The following RIC8B variants were observed in gnomAD, a reference collection of about 807,000 sequenced individuals.
RIC8B encodes the protein chaperone Ric-8B.
RIC8B carries 16 observed loss-of-function variants against 57.5 expected under a neutral mutation model. That is an observed-to-expected ratio of 0.28 (90% CI 0.19 to 0.42). RIC8B has a LOEUF of 0.42. Ranked by LOEUF, RIC8B falls within the 10% of genes least tolerant of loss-of-function variation. The pLI, the probability that RIC8B is intolerant of heterozygous loss-of-function variation, is 1.00. For synonymous variants in RIC8B, 216 were observed against 250.8 expected (o/e 0.86, Z 1.31); for missense variants, 481 against 677.0 (o/e 0.71, Z 3.21).
At chr12:106,875,934 AACAAAT>A (rs1950642396) in intron 9 of RIC8B, among the ~76,000 whole-genome samples, 1 of 152,174 alleles carries the variant, frequency 6.6e-6, no homozygotes, top group South Asian at 2.1e-4. Context: ...ACTGAAAAAT[AACAAAT>A]ACATAGTTTT....
chr12:106,793,751 A>G (rs1008627592), intron 2 of RIC8B, among the ~76,000 whole-genome samples: 3 of 152,346 alleles, frequency 2.0e-5, no homozygotes, highest in East Asian at 3.9e-4. Flanking sequence ...GGTGTGCCCT[A>G]TAAGGTGCAA....
chr12:106,837,417 C>G (rs1320913406), intron 4 of RIC8B, among the ~76,000 whole-genome samples: 3 of 151,870 alleles, frequency 2.0e-5, no homozygotes, highest in African/African-American at 7.3e-5. Context: ...GTTATTCCCC[C>G]AGAGCACTTA....
chr12:106,846,939 A>C (rs1949218669), intron 6 of RIC8B, among the ~76,000 whole-genome samples: 1 of 152,190 alleles, frequency 6.6e-6, no homozygotes, highest in Non-Finnish European at 1.5e-5. Context: ...TGCACTGTAG[A>C]CTGTTATGAT....
chr12:106,870,883 A>C lies in RIC8B; in HGVS notation c.1512A>C (p.Thr504=). ...TGCCAAACCCCATAGATGAAATGAC[A>C]GAAGAACAAAAAGAATATGAAGCCA... The part of the protein sequence containing the change: ...EPMPNPIDEM[T]EEQKEYEAMK... Residue 504 remains threonine (T), a synonymous_variant, in exon 9 of 10, where the codon ACA becomes ACC. Coordinates refer to ENST00000392837, the MANE Select transcript of RIC8B (RefSeq NM_001330145.2). The C allele has an allele frequency of 1.3e-6, 2 of 1,548,970 alleles. No individual in the cohort carries two copies. The highest frequency in any genetic ancestry group is 1.7e-6 in the Non-Finnish European group (2 of 1,145,060).
At chr12:106,826,036 A>G in intron 4 of RIC8B, among the ~76,000 whole-genome samples, 1 of 152,202 alleles carries the variant, frequency 6.6e-6, no homozygotes, top group East Asian at 1.9e-4. Flanking sequence ...TTGAGGCTCA[A>G]CAGGAGAAGA....
chr12:106,867,557 A>G lies in RIC8B; in HGVS notation c.1452-3266A>G, dbSNP rs1199609652. ...GGACTGTGGCGTCTCAGACTGTACT[A>G]TTTGAGGTTGAAAGGTGTCAGGTAT... On this transcript the variant is annotated intron_variant, in intron 8 of 9. Transcript: ENST00000392837. This position sits in a 1 kb window ranked among gnomAD's most constrained non-coding sequence, Gnocchi z 4.3. Among the ~76,000 whole-genome samples, 1 of 152,166 alleles carries G rather than the reference A, an allele frequency of 6.6e-6. No homozygotes were observed. The highest frequency in any genetic ancestry group is 1.5e-5 in the Non-Finnish European group (1 of 68,024).
rs562051674 is a variant in RIC8B at position 106,877,180 on chromosome 12, C to T, written c.1571+6238C>T. ...ATAGTGCTTTAAGGTATAAAAAATG[C>T]TTCCATATACGTTATCTCCATTGAT... On this transcript the variant is annotated intron_variant, in intron 9 of 9. Coordinates refer to ENST00000392837, the MANE Select transcript of RIC8B (RefSeq NM_001330145.2). Among the ~76,000 whole-genome samples, 6 of 152,078 alleles carry T rather than the reference C, an allele frequency of 3.9e-5. No individual in the cohort carries two copies. In the South Asian group the frequency reaches 1.0e-3, roughly 26 times the overall value.
chr12:106,888,156 T>G lies in RIC8B; in HGVS notation c.*2141T>G, dbSNP rs1951256446. On this transcript the variant is annotated 3_prime_UTR_variant, in exon 10 of 10. Transcript: ENST00000392837. Reference sequence around the variant, plus strand: ...AGATGTGTTTAATGAAATGCCATCTTACCAGCTTTCTTTATGCAGAGTAAG... The same window carrying G: ...AGATGTGTTTAATGAAATGCCATCTGACCAGCTTTCTTTATGCAGAGTAAG... 6.6e-6 allele frequency: 1 copy of G among 152,460 alleles called. No homozygotes were observed. Among genetic ancestry groups the G allele is most frequent in the Non-Finnish European group, 1.5e-5 (1 of 68,042 alleles). The allele number at this position is 152,460 out of a possible 1,614,324, so 9.4% of individuals were successfully genotyped here.
rs189026409 is a variant in RIC8B, at chr12:106,783,239, T to C, written c.85-758T>C. Among the ~76,000 whole-genome samples, 673 of 152,322 alleles carry C rather than the reference T, an allele frequency of 4.4e-3. 17 individuals carry two copies. Among genetic ancestry groups the C allele is most frequent in the Admixed American group, 0.041 (631 of 15,298 alleles). ...GTATTGCTACTTGCCAGCACTGAGA[T>C]TGTGCTTTATATACATGCCTTAGCT... On this transcript the variant is annotated intron_variant, in intron 1 of 9. Coordinates refer to ENST00000392837, the MANE Select transcript of RIC8B (RefSeq NM_001330145.2).
intron 2 of RIC8B, among the ~76,000 whole-genome samples, chr12:106,787,633 T>A (rs1024683302): frequency 3.3e-5 from 5 of 151,996 alleles, no homozygotes; most frequent in African/African-American, 1.2e-4. Flanking sequence ...CCTGCTTGCA[T>A]GGTGGTGGCA....
At chr12:106,816,284 A>T (rs143739120) in intron 3 of RIC8B, among the ~76,000 whole-genome samples, 1 of 152,200 alleles carries the variant, frequency 6.6e-6, no homozygotes, top group South Asian at 2.1e-4. Flanking sequence ...TTTTGCCAGC[A>T]GCCTACTTTA....
At position 106,866,468 on chromosome 12, in the gene RIC8B, T is replaced by C. The variant is rs142977185; in HGVS notation, c.1452-4355T>C. Among the ~76,000 whole-genome samples the C allele has an allele frequency of 3.2e-3, 483 of 152,170 alleles. 1 individual carries two copies. The highest frequency in any genetic ancestry group is 5.5e-3 in the Non-Finnish European group (377 of 68,012). On this transcript the variant is annotated intron_variant, in intron 8 of 9. Transcript: ENST00000392837. ...GCAGTGTATTCTGGGTTTTTCCCCC[T>C]GGAAAGTTGTTTTAGTTTCATTCAC...
chr12:106,830,909 A>G (rs1268568585), intron 4 of RIC8B, among the ~76,000 whole-genome samples: 4 of 152,176 alleles, frequency 2.6e-5, no homozygotes, highest in Admixed American at 2.6e-4. Context: ...CAGTAAATTA[A>G]TTATTCAAAT....
chr12:106,822,329 A>G (rs1422369478), intron 3 of RIC8B: 3 of 152,218 alleles, frequency 2.0e-5, no homozygotes, highest in Non-Finnish European at 4.4e-5. Flanking sequence ...AAATTGGTAT[A>G]AGTACTTTGA....
At position 106,809,316 on chromosome 12, in the gene RIC8B, G is replaced by C. The variant is rs927796792; in HGVS notation, c.133-5380G>C. 2.0e-5 allele frequency among the ~76,000 whole-genome samples: 3 copies of C among 152,134 alleles called. No homozygotes were observed. The South Asian group carries it at 6.2e-4, about 32-fold the overall frequency. On this transcript the variant is annotated intron_variant, in intron 2 of 9. Coordinates refer to ENST00000392837, the MANE Select transcript of RIC8B (RefSeq NM_001330145.2). ...AGGTGGGAGGATCACCTGAGGTCAG[G>C]AGTTTGAGACCAGCCTGGCCAACAT...
At chr12:106,864,200 C>T (rs1432174568) in intron 8 of RIC8B, among the ~76,000 whole-genome samples, 1 of 152,084 alleles carries the variant, frequency 6.6e-6, no homozygotes, top group Non-Finnish European at 1.5e-5. Flanking sequence ...ACTGGTATCT[C>T]TTCAAAATAT....
chr12:106,844,874 A>G (rs1395763429), intron 6 of RIC8B, among the ~76,000 whole-genome samples: 1 of 152,226 alleles, frequency 6.6e-6, no homozygotes, highest in Non-Finnish European at 1.5e-5. Flanking sequence ...CTTTCAGATT[A>G]TATCTTAGAC....
chr12:106,848,260 G>A (rs1010680467), intron 6 of RIC8B, among the ~76,000 whole-genome samples: 2 of 152,190 alleles, frequency 1.3e-5, no homozygotes, highest in Non-Finnish European at 2.9e-5. Context: ...AAGGTCCATG[G>A]AGGTCTGTGT....
intron 2 of RIC8B, among the ~76,000 whole-genome samples, chr12:106,809,418 G>A (rs2045222830): frequency 6.6e-6 from 1 of 151,704 alleles, no homozygotes. Context: ...AGCTATTCAG[G>A]AGGCTGAGAC....
Sources: gnomAD v4.1 joint callset for allele counts (sites outside exome capture counted in the v4.1 genomes callset) on GRCh38, gnomAD v4.1.1 for gene constraint, Gnocchi (gnomAD v3.1) non-coding constraint, MANE v1.5 for transcripts, NCBI Gene and HGNC (gene_info 2026-07-23, HGNC 2026-07-21) for gene names.